Variants in SCRIB observed in about 807,000 individuals in gnomAD.
SCRIB encodes the protein protein scribble homolog.
A neutral mutation model predicts 170.0 loss-of-function variants in SCRIB; 72 were observed. That is an observed-to-expected ratio of 0.42 (90% confidence interval 0.35 to 0.52). The LOEUF (loss-of-function observed/expected upper bound fraction) is 0.52, where lower values mean the gene tolerates loss of function less well. Among genes scored for constraint, SCRIB ranks in the 20% least tolerant of loss-of-function variants. The pLI is 0.02. For synonymous variants in SCRIB, 1,298 were observed against 1,044.3 expected (o/e 1.24, Z -4.68); for missense variants, 2,475 against 2,338.5 (o/e 1.06, Z -1.20).
At chr8:143,808,096 C>T (rs1554637034) in intron 15 of SCRIB, among the ~76,000 whole-genome samples, 1 of 152,130 alleles carries the variant, frequency 6.6e-6, no homozygotes. Context: ...CTCGGGCCTG[C>T]AGTGCCCAAC....
chr8:143,791,817 G>A (rs1376117221), intron 34 of SCRIB, 59 bp downstream of exon 34: 6 of 1,479,086 alleles, frequency 4.1e-6, no homozygotes, highest in African/African-American at 2.9e-5. Flanking sequence ...GTGGGGGCAG[G>A]CCAGACCCCA....
In SCRIB at chr8:143,805,252, G is replaced by A. The variant is rs782248204; in HGVS notation, c.2530C>T (p.Leu844=). 44 of 1,531,452 alleles carry A rather than the reference G, an allele frequency of 2.9e-5. 1 individual carries two copies. The highest frequency in any genetic ancestry group is 4.0e-5 in the Admixed American group (2 of 50,616). 94.9% of individuals were successfully genotyped at this position (1,531,452 alleles called of 1,614,324 possible). The change falls in exon 19 of 37, where the codon CTG becomes TTG. Residue 844 remains leucine, a synonymous_variant. Coordinates refer to ENST00000356994, the MANE Select transcript of SCRIB (RefSeq NM_182706.5). ...YSPRERRGGG[L]RLPLLPPESP... is the part of the protein sequence containing the mutation. ...TCAGGCGGGAGCAGGGGCAGGCGCA[G>A]CCCCCCTCCCCGCCGCTCTCGGGGG...
rs557986938 is a variant in SCRIB at position 143,793,108 on chromosome 8, T to G, written c.3910-25A>C. 3.0e-5 allele frequency: 40 copies of G among 1,330,796 alleles called. No homozygotes were observed. In the East Asian group the frequency reaches 5.3e-4, roughly 18 times the overall value. 82.4% of individuals were successfully genotyped at this position (1,330,796 alleles called of 1,614,324 possible). On this transcript the variant is annotated intron_variant, in intron 28 of 36. Coordinates refer to ENST00000356994, the MANE Select transcript of SCRIB (RefSeq NM_182706.5). ...GCTGGGGGGTGGGGCTCTTGTGAGC[T>G]ATGCTGGGGCAGCTGTCGGGGCTGC...
intron 28 of SCRIB, 97 bp downstream of exon 28, chr8:143,793,802 CT>C (rs1325168927): frequency 1.6e-6 from 2 of 1,265,068 alleles, no homozygotes; most frequent in African/African-American, 1.5e-5. Context: ...ACGATGGCCC[CT>C]GACCCCCCAT....
Position 143,812,331 on chromosome 8 carries a change from C to A in SCRIB, c.841G>T (p.Val281Leu). The change falls in exon 9 of 37, where the codon GTG (valine) becomes TTG (leucine). Residue 281 changes from valine to leucine, a missense_variant. Transcript: ENST00000356994. The stretch of plus-strand genomic sequence containing the variant: ...TCACAGTCCCCGATGGCCTCGGTCA[C>A]CTCGCACAGCCGATTCTGGTCTACC... ...LKVDQNRLCE[V>L]TEAIGDCENL... 6.2e-7 allele frequency: 1 copy of A among 1,613,924 alleles called. No homozygotes were observed. The highest frequency in any genetic ancestry group is 1.1e-5 in the South Asian group (1 of 91,090).
At chr8:143,805,057 G>T in intron 19 of SCRIB, 43 bp from the exon 20 acceptor site, 1 of 1,582,750 alleles carries the variant, frequency 6.3e-7, no homozygotes. Flanking sequence ...GGTGAGGCTG[G>T]AGTGCGGCTG....
chr8:143,793,335 T>C, intron 28 of SCRIB: 1 of 413,330 alleles, frequency 2.4e-6, no homozygotes, highest in Non-Finnish European at 4.3e-6. Context: ...TCACCCCTGG[T>C]TTTGTCTAAA....
In SCRIB at chr8:143,804,684, G is replaced by C; in HGVS notation, c.2893C>G (p.Pro965Ala). ...CTGGTGGTGGCAACAGCAGCGGTGG[G>C]GGGTGAGGAATGTGGCAGAGGGCTG... ...PPSPLPHSSP[P>A]TAAVATTSIT... The change falls in exon 21 of 37, where the codon CCC becomes GCC. Residue 965 changes from proline (P) to alanine (A), a missense_variant. Pro to Ala is a conservative substitution (Grantham distance 27, BLOSUM62 -1). Around this residue, in one of 3 missense-constraint regions of SCRIB, gnomAD observed 1,966 missense variants for 1,742.9 expected, o/e 1.13. Transcript: ENST00000356994. 1 of 1,564,728 alleles carries C rather than the reference G, an allele frequency of 6.4e-7. No homozygotes were observed. Among genetic ancestry groups the C allele is most frequent in the Non-Finnish European group, 8.7e-7 (1 of 1,152,150 alleles).
intron 2 of SCRIB, 41 bp from the exon 3 acceptor site, chr8:143,813,937 A>G: frequency 6.3e-7 from 1 of 1,597,470 alleles, no homozygotes; most frequent in Non-Finnish European, 8.6e-7. Flanking sequence ...CATGGCCTGC[A>G]GGCCGTCTGC....
chr8:143,812,130 A>G, intron 9 of SCRIB, 136 bp downstream of exon 9: 2 of 733,184 alleles, frequency 2.7e-6, no homozygotes, highest in Non-Finnish European at 5.0e-6. Flanking sequence ...CCCTCTGACA[A>G]GAGAAGAGCC....
chr8:143,812,433 T>C (rs769619343), intron 8 of SCRIB, 49 bp from the exon 9 acceptor site: 6 of 1,412,594 alleles, frequency 4.2e-6, no homozygotes, highest in Admixed American at 1.7e-5. Context: ...TCCCCAGACG[T>C]GCCTTACCCA....
chr8:143,811,669 G>A (rs991803799), intron 9 of SCRIB, among the ~76,000 whole-genome samples: 1 of 151,936 alleles, frequency 6.6e-6, no homozygotes, highest in Non-Finnish European at 1.5e-5. Flanking sequence ...GTGCCCCACT[G>A]GTCTGCCCTG....
chr8:143,797,152 TGAG>T (rs1814979325), intron 24 of SCRIB, among the ~76,000 whole-genome samples: 1 of 152,034 alleles, frequency 6.6e-6, no homozygotes. Context: ...AGGCAGAAGG[TGAG>T]GGGCTGCTGA....
chr8:143,805,816 G>A (rs1815399715), intron 18 of SCRIB, among the ~76,000 whole-genome samples: 1 of 152,196 alleles, frequency 6.6e-6, no homozygotes, highest in Non-Finnish European at 1.5e-5. Flanking sequence ...ACACCCAGGA[G>A]CAGCAGTTCC....
intron 5 of SCRIB, 21 bp downstream of exon 5, chr8:143,813,446 TAGG>T (rs1397615552): frequency 7.4e-6 from 12 of 1,613,046 alleles, no homozygotes; most frequent in Non-Finnish European, 9.3e-6. Flanking sequence ...CCCTGGCTGT[TAGG>T]AGAATGCCTG....
Position 143,793,841 on chromosome 8 carries a change from G to A in SCRIB, c.3909+59C>T, listed in dbSNP as rs372425556. ...CTGGAGGAGGGGCCCTGTGCACAGC[G>A]GCCATCTGCCCTGCCCTCCACCCAC... On this transcript the variant is annotated intron_variant, in intron 28 of 36. Coordinates refer to ENST00000356994, the MANE Select transcript of SCRIB (RefSeq NM_182706.5). 117 of 1,546,810 alleles carry A rather than the reference G, an allele frequency of 7.6e-5. No homozygotes were observed. In the Admixed American group the frequency reaches 1.5e-3, roughly 20 times the overall value.
chr8:143,791,734 A>G lies in SCRIB; in HGVS notation c.4702T>C (p.Ser1568Pro). The change falls in exon 35 of 37, where the codon TCT (serine) becomes CCT (proline). Residue 1568 changes from serine (S) to proline (P), a missense_variant. This residue lies in a region of SCRIB where 1,966 missense variants were observed against 1,742.9 expected (regional missense o/e 1.13). Transcript: ENST00000356994. ...TSTSPGRLPL[S>P]GKKFDYRAFA... is the part of the protein sequence containing the mutation. ...GCCCTGTAGTCAAACTTCTTTCCAG[A>G]CAAGGGCTTGAAAGGACAGCGTGAG... The G allele has an allele frequency of 1.3e-6, 2 of 1,596,934 alleles. No individual in the cohort carries two copies. Among genetic ancestry groups the G allele is most frequent in the Non-Finnish European group, 1.7e-6 (2 of 1,167,798 alleles).
intron 15 of SCRIB, among the ~76,000 whole-genome samples, 196 bp from the exon 16 acceptor site, chr8:143,807,810 T>C (rs1815497665): frequency 6.6e-6 from 1 of 152,090 alleles, no homozygotes. Context: ...GCTCCAGAGC[T>C]GAGCAGAGTC....
chr8:143,809,740 G>A (rs1815619540), intron 13 of SCRIB, 22 bp from the exon 14 acceptor site: 1 of 1,597,652 alleles, frequency 6.3e-7, no homozygotes, highest in Non-Finnish European at 8.5e-7. Context: ...AGTGGGGTCA[G>A]GCTTCGACGG....
Sources: gnomAD v4.1 joint callset for allele counts (sites outside exome capture counted in the v4.1 genomes callset) on GRCh38, gnomAD v4.1.1 for gene constraint, gnomAD v4.1.1 regional missense constraint, MANE v1.5 for transcripts, NCBI Gene and HGNC (gene_info 2026-07-23, HGNC 2026-07-21) for gene names.